Variants in FAAH2 observed in about 807,000 individuals in gnomAD.
FAAH2 encodes the protein fatty-acid amide hydrolase 2.
In FAAH2, 60 loss-of-function variants were observed where a neutral mutation model predicts 36.9. The observed-to-expected ratio is 1.63, with a 90% CI of 1.32 to 2.02. The LOEUF (loss-of-function observed/expected upper bound fraction) is 2.02, where lower values mean the gene tolerates loss of function less well. Ranked by LOEUF, FAAH2 falls within the 30% of genes most tolerant of loss-of-function variation. The pLI is 0.00. For synonymous variants in FAAH2, 214 were observed against 143.8 expected (o/e 1.49, Z -3.49); for missense variants, 689 against 397.5 (o/e 1.73, Z -6.23).
intron 7 of FAAH2, among the ~76,000 whole-genome samples, chrX:57,423,576 AT>A (rs1254819018): frequency 5.4e-5 from 6 of 112,084 alleles, no homozygotes; most frequent in Non-Finnish European, 9.4e-5. Context: ...CCACTGCCAC[AT>A]GCTAGGGTTT....
the FAAH2 span, among the ~76,000 whole-genome samples, chrX:57,246,263 C>A: frequency 1.8e-5 from 2 of 111,605 alleles, no homozygotes; most frequent in African/African-American, 6.5e-5. Context: ...AGTCCAGGAT[C>A]AGATGGATTC....
chrX:57,236,475 C>T, the FAAH2 span, among the ~76,000 whole-genome samples: 1 of 112,229 alleles, frequency 8.9e-6, no homozygotes, highest in African/African-American at 3.2e-5. Context: ...ACAATAGTTT[C>T]CTTTCTTCGT....
the FAAH2 span, among the ~76,000 whole-genome samples, chrX:57,267,532 AC>A: frequency 8.9e-6 from 1 of 111,954 alleles, no homozygotes; most frequent in Non-Finnish European, 1.9e-5. Flanking sequence ...TACTACCATA[AC>A]CCCAACCCTT....
chrX:57,147,039 G>A, the FAAH2 span, among the ~76,000 whole-genome samples: 7 of 111,097 alleles, frequency 6.3e-5, no homozygotes, highest in Admixed American at 1.9e-4. Flanking sequence ...TCTTGGTTAT[G>A]TCTTTTCCCG....
At chrX:57,160,400 G>T in the FAAH2 span, among the ~76,000 whole-genome samples, 8 of 111,990 alleles carry the variant, frequency 7.1e-5, no homozygotes, top group African/African-American at 2.3e-4. Context: ...GATTGGAATT[G>T]TTTCAAAAGG....
intron 5 of FAAH2, among the ~76,000 whole-genome samples, chrX:57,353,307 A>T (rs923949012): frequency 9.1e-6 from 1 of 109,532 alleles, no homozygotes; most frequent in African/African-American, 3.3e-5. Flanking sequence ...AATACAGCCA[A>T]GTGATCTTTG....
At chrX:57,439,976 C>A (rs1027110269) in intron 8 of FAAH2, among the ~76,000 whole-genome samples, 2 of 111,454 alleles carry the variant, frequency 1.8e-5, no homozygotes, top group Non-Finnish European at 3.8e-5. Flanking sequence ...TGTTTTGGTA[C>A]CAGTACCATG....
the FAAH2 span, among the ~76,000 whole-genome samples, chrX:57,267,599 G>A: frequency 8.9e-6 from 1 of 111,987 alleles, no homozygotes; most frequent in African/African-American, 3.3e-5. Flanking sequence ...GGTACCCCCT[G>A]CATCCAGTAG....
At chrX:57,419,305 A>T (rs1428269463) in intron 7 of FAAH2, among the ~76,000 whole-genome samples, 1 of 110,813 alleles carries the variant, frequency 9.0e-6, no homozygotes, top group Non-Finnish European at 1.9e-5. Context: ...TGACTTCCAC[A>T]ATGGTTGAAC....
intron 7 of FAAH2, chrX:57,393,448 C>T (rs2055215746): frequency 1.2e-6 from 1 of 860,066 alleles, no homozygotes; most frequent in Non-Finnish European, 1.7e-6. Context: ...CCGCCTCCGT[C>T]ACTACAAACC....
chrX:57,160,826 AT>A, the FAAH2 span, among the ~76,000 whole-genome samples: 5 of 111,636 alleles, frequency 4.5e-5, no homozygotes, highest in East Asian at 8.4e-4. Flanking sequence ...GGATTGATTG[AT>A]TTTTTGAAGG....
intron 7 of FAAH2, among the ~76,000 whole-genome samples, chrX:57,413,315 G>T (rs1463446765): frequency 8.9e-6 from 1 of 112,092 alleles, no homozygotes; most frequent in Non-Finnish European, 1.9e-5. Flanking sequence ...AGTCCTGAAT[G>T]GTATTGCCTA....
chrX:57,173,118 A>T, the FAAH2 span, among the ~76,000 whole-genome samples: 23 of 112,002 alleles, frequency 2.1e-4, no homozygotes, highest in Admixed American at 1.9e-3. Flanking sequence ...TATCAAAGTG[A>T]TGTTAAAATT....
chrX:57,190,195 C>A, the FAAH2 span, among the ~76,000 whole-genome samples: 26 of 109,808 alleles, frequency 2.4e-4, no homozygotes, highest in Non-Finnish European at 4.4e-4. Context: ...GCCTCCTTAG[C>A]GCTGTCACGG....
At chrX:57,276,307 C>A in the FAAH2 span, among the ~76,000 whole-genome samples, 3 of 112,128 alleles carry the variant, frequency 2.7e-5, no homozygotes, top group Admixed American at 1.9e-4. Flanking sequence ...ACTGAACAAC[C>A]TGCTCCTGAA....
chrX:57,421,023 A>C (rs1427870911), intron 7 of FAAH2, among the ~76,000 whole-genome samples: 1 of 112,299 alleles, frequency 8.9e-6, no homozygotes, highest in Non-Finnish European at 1.9e-5. Flanking sequence ...GTTCACAGTA[A>C]TCAACCTGCA....
In FAAH2 at chrX:57,331,649, C is replaced by T. The variant is rs149906592; in HGVS notation, c.464C>T (p.Thr155Ile). Residue 155 changes from threonine (T) to isoleucine (I), a missense_variant, in exon 4 of 11, where the codon ACA becomes ATA. Thr to Ile is a moderately conservative substitution (Grantham distance 89, BLOSUM62 -1). Transcript: ENST00000374900. ...AACCGTCGTGATGCCATTGCCAAAA[C>T]AGATGCCACTGTGGTGGCATTACTG... ...LMNRRDAIAK[T>I]DATVVALLKG... 7.7e-5 allele frequency: 93 copies of T among 1,209,980 alleles called. No individual in the cohort carries two copies. The African/African-American group carries it at 1.4e-3, about 19-fold the overall frequency.
intron 7 of FAAH2, among the ~76,000 whole-genome samples, chrX:57,426,389 C>G (rs1175260942): frequency 8.9e-6 from 1 of 111,765 alleles, no homozygotes; most frequent in East Asian, 2.8e-4. Flanking sequence ...AAGAGTTAAA[C>G]TGGACGTTAG....
the FAAH2 span, among the ~76,000 whole-genome samples, chrX:57,139,080 A>G: frequency 2.1e-4 from 24 of 111,688 alleles, no homozygotes; most frequent in Non-Finnish European, 3.2e-4. Context: ...TCACTTGCCC[A>G]TTTTTCCTTT....
Sources: gnomAD v4.1 joint callset for allele counts (sites outside exome capture counted in the v4.1 genomes callset) on GRCh38, gnomAD v4.1.1 for gene constraint, MANE v1.5 for transcripts, NCBI Gene and HGNC (gene_info 2026-07-23, HGNC 2026-07-21) for gene names.